The following PPP2R2B variants were observed in gnomAD, a reference collection of about 807,000 sequenced individuals.
PPP2R2B encodes protein phosphatase 2 regulatory subunit Bbeta, also known as serine/threonine-protein phosphatase 2A 55 kDa regulatory subunit B beta isoform.
Under a neutral mutation model 46.0 loss-of-function variants are expected in PPP2R2B, and 5 were observed. The ratio of observed to expected loss-of-function variants is 0.11; its 90% confidence interval spans 0.06 to 0.23. PPP2R2B has a LOEUF of 0.23. PPP2R2B is among the 10% of genes least tolerant of loss of function. The pLI is 1.00. For synonymous variants in PPP2R2B, 215 were observed against 206.7 expected (o/e 1.04, Z -0.34); for missense variants, 367 against 575.0 (o/e 0.64, Z 3.70).
chr5:146,935,829 T>G (rs1011454132), intron 1 of PPP2R2B, among the ~76,000 whole-genome samples: 3 of 152,100 alleles, frequency 2.0e-5, no homozygotes, highest in Non-Finnish European at 2.9e-5. Context: ...AGACCTAACT[T>G]TTGAGGTCTG....
At chr5:146,695,478 T>G (rs1162267786) in intron 4 of PPP2R2B, among the ~76,000 whole-genome samples, 1 of 152,208 alleles carries the variant, frequency 6.6e-6, no homozygotes, top group Non-Finnish European at 1.5e-5. Flanking sequence ...ATTGTAAGTT[T>G]GAAAATATAT....
intron 2 of PPP2R2B, among the ~76,000 whole-genome samples, chr5:147,077,414 A>G (rs1757822983): frequency 6.6e-6 from 1 of 151,876 alleles, no homozygotes; most frequent in African/African-American, 2.4e-5. Context: ...TAACTTGCCA[A>G]GGTAACTGGC....
At chr5:146,690,928 T>C (rs1778809310) in intron 5 of PPP2R2B, among the ~76,000 whole-genome samples, 200 bp downstream of exon 5, 1 of 152,310 alleles carries the variant, frequency 6.6e-6, no homozygotes, top group East Asian at 1.9e-4. Context: ...AGGAAAAGCA[T>C]GGATTTGTAG....
At chr5:146,858,691 C>A (rs972328964) in intron 2 of PPP2R2B, among the ~76,000 whole-genome samples, 2 of 152,138 alleles carry the variant, frequency 1.3e-5, no homozygotes, top group African/African-American at 4.8e-5. Flanking sequence ...TTTTCTTGCT[C>A]ATTCCAAATG....
chr5:146,884,009 A>G (rs918887919), intron 1 of PPP2R2B, among the ~76,000 whole-genome samples: 1 of 151,872 alleles, frequency 6.6e-6, no homozygotes, highest in Non-Finnish European at 1.5e-5. Flanking sequence ...GCTTTGAGTG[A>G]CATCATTAAC....
intron 2 of PPP2R2B, among the ~76,000 whole-genome samples, chr5:146,864,912 C>T (rs1761220862): frequency 1.3e-5 from 2 of 152,122 alleles, no homozygotes; most frequent in South Asian, 2.1e-4. Context: ...AAAACGCCTA[C>T]AGTAATTACA....
chr5:146,593,189 T>C (rs546721589), intron 8 of PPP2R2B, 127 bp from the exon 9 acceptor site: 4 of 843,834 alleles, frequency 4.7e-6, no homozygotes, highest in South Asian at 3.0e-5. Flanking sequence ...CAGATGGCCT[T>C]GGATCTGAAC....
intron 1 of PPP2R2B, among the ~76,000 whole-genome samples, chr5:146,899,735 G>T (rs1472727318): frequency 1.3e-5 from 2 of 152,124 alleles, no homozygotes; most frequent in African/African-American, 4.8e-5. Context: ...GTATCAGGAA[G>T]AATTAGGAAA....
Position 146,583,958 on chromosome 5 carries a change from G to A in PPP2R2B, c.*5989C>T, listed in dbSNP as rs747698564. 3 of 152,152 alleles carry A rather than the reference G, an allele frequency of 2.0e-5. No homozygotes were observed. Among genetic ancestry groups the A allele is most frequent in the Non-Finnish European group, 4.4e-5 (3 of 68,022 alleles). 9.4% of individuals were successfully genotyped at this position (152,152 alleles called of 1,614,324 possible). ...TGTCAAATATGAGTTATGAAGAAGT[G>A]TCCTCTCCACTCTTTCTCAAACCAA... On this transcript the variant is annotated 3_prime_UTR_variant, in exon 10 of 10. Transcript: ENST00000394411.
chr5:146,652,070 A>G (rs541557923), intron 5 of PPP2R2B, among the ~76,000 whole-genome samples: 106 of 152,246 alleles, frequency 7.0e-4, no homozygotes, highest in Middle Eastern at 3.4e-3. Context: ...CTAGGAAAGG[A>G]AAGGGAAGGA....
At chr5:146,945,059 G>T (rs1000653261) in intron 1 of PPP2R2B, among the ~76,000 whole-genome samples, 1 of 152,184 alleles carries the variant, frequency 6.6e-6, no homozygotes, top group Non-Finnish European at 1.5e-5. Context: ...GTTAGCCATA[G>T]TTGGGGAATT....
chr5:146,765,867 T>A (rs1754445454), intron 2 of PPP2R2B, among the ~76,000 whole-genome samples: 1 of 152,198 alleles, frequency 6.6e-6, no homozygotes, highest in African/African-American at 2.4e-5. Context: ...GACACACGTA[T>A]GCCTTCACTG....
At chr5:146,776,176 A>G (rs954817436) in intron 2 of PPP2R2B, among the ~76,000 whole-genome samples, 3 of 152,158 alleles carry the variant, frequency 2.0e-5, no homozygotes, top group African/African-American at 7.2e-5. Flanking sequence ...CAGAGGACCA[A>G]GAATACAAGA....
intron 6 of PPP2R2B, among the ~76,000 whole-genome samples, chr5:146,649,147 G>A (rs567868508): frequency 2.5e-4 from 38 of 152,272 alleles, no homozygotes; most frequent in Non-Finnish European, 4.6e-4. Flanking sequence ...GGATATATGC[G>A]TTGATTTGAC....
intron 2 of PPP2R2B, among the ~76,000 whole-genome samples, chr5:146,862,048 GAATA>G (rs1220857292): frequency 1.3e-5 from 2 of 152,116 alleles, no homozygotes; most frequent in African/African-American, 2.4e-5. Flanking sequence ...GTGAATGAAA[GAATA>G]AATAATCTAT....
chr5:146,852,327 A>C (rs1050191905), intron 2 of PPP2R2B, among the ~76,000 whole-genome samples: 2 of 152,178 alleles, frequency 1.3e-5, no homozygotes, highest in African/African-American at 4.8e-5. Context: ...CTCCTGAACA[A>C]ATAAACTAAT....
At chr5:146,836,543 G>C (rs747633418) in intron 2 of PPP2R2B, among the ~76,000 whole-genome samples, 4 of 152,178 alleles carry the variant, frequency 2.6e-5, no homozygotes, top group Non-Finnish European at 5.9e-5. Flanking sequence ...GCTTTTCCGG[G>C]ATGAATACTT....
At chr5:146,775,125 A>G (rs977534321) in intron 2 of PPP2R2B, among the ~76,000 whole-genome samples, 1 of 152,180 alleles carries the variant, frequency 6.6e-6, no homozygotes, top group Non-Finnish European at 1.5e-5. Context: ...AAACAAAAAC[A>G]CTTTCTTAAT....
At chr5:146,912,665 T>C (rs1763232919) in intron 1 of PPP2R2B, among the ~76,000 whole-genome samples, 1 of 151,802 alleles carries the variant, frequency 6.6e-6, no homozygotes, top group African/African-American at 2.4e-5. Context: ...CCACCATGCC[T>C]GGCTAATTTT....
Sources: allele counts gnomAD v4.1 joint callset (sites outside exome capture counted in the v4.1 genomes callset), GRCh38; gene constraint gnomAD v4.1.1; transcripts MANE v1.5; gene names NCBI Gene and HGNC (gene_info 2026-07-23, HGNC 2026-07-21).